The following DNER variants were observed in gnomAD, a reference collection of about 807,000 sequenced individuals.
DNER encodes the protein delta/notch like EGF repeat containing.
In DNER, 33 loss-of-function variants were observed where a neutral mutation model predicts 78.2. That is an observed-to-expected ratio of 0.42 (90% confidence interval 0.32 to 0.56). DNER has a LOEUF of 0.56. Ranked by LOEUF, DNER falls within the 20% of genes least tolerant of loss-of-function variation. The probability of loss-of-function intolerance (pLI) is 0.11; values close to 1 mark genes in which losing one functional copy is unlikely to be tolerated. For synonymous variants in DNER, 417 were observed against 384.8 expected, an observed-to-expected ratio of 1.08 and a Z score of -0.98; for missense variants, 918 against 975.3, an observed-to-expected ratio of 0.94 and a Z score of 0.78.
intron 7 of DNER, among the ~76,000 whole-genome samples, chr2:229,453,460 T>C (rs1408309937): frequency 6.6e-6 from 1 of 152,166 alleles, no homozygotes; most frequent in Non-Finnish European, 1.5e-5. Context: ...AACTAGACTG[T>C]TGACTGGGAG....
intron 1 of DNER, among the ~76,000 whole-genome samples, chr2:229,700,643 G>C (rs571877717): frequency 6.6e-6 from 1 of 152,004 alleles, no homozygotes; most frequent in Non-Finnish European, 1.5e-5. Context: ...GGCCAGGCAC[G>C]GTGGCTCATG....
intron 7 of DNER, among the ~76,000 whole-genome samples, chr2:229,452,147 T>C (rs1445127694): frequency 6.6e-6 from 1 of 152,210 alleles, no homozygotes; most frequent in African/African-American, 2.4e-5. Flanking sequence ...TTTATATCTC[T>C]AATTATAGGC....
chr2:229,454,749 T>C (rs1694535000), intron 7 of DNER, among the ~76,000 whole-genome samples: 1 of 152,112 alleles, frequency 6.6e-6, no homozygotes, highest in South Asian at 2.1e-4. Flanking sequence ...TTTTGCTTTT[T>C]CTTACCAATT....
chr2:229,672,284 G>A (rs1017008067), intron 1 of DNER, among the ~76,000 whole-genome samples: 14 of 152,054 alleles, frequency 9.2e-5, no homozygotes, highest in African/African-American at 3.1e-4. Context: ...CAAGACAGCC[G>A]GGCACTCAGC....
intron 1 of DNER, among the ~76,000 whole-genome samples, chr2:229,630,523 A>AT (rs71045782): frequency 6.1e-5 from 9 of 147,618 alleles, no homozygotes; most frequent in South Asian, 2.1e-4. Flanking sequence ...AATAATAATA[A>AT]AATCTTCTGG....
intron 5 of DNER, among the ~76,000 whole-genome samples, chr2:229,522,447 A>G (rs1332899069): frequency 6.6e-6 from 1 of 152,238 alleles, no homozygotes; most frequent in East Asian, 1.9e-4. Context: ...TCCATTAACA[A>G]AAGTAAAGTT....
intron 6 of DNER, among the ~76,000 whole-genome samples, chr2:229,510,550 G>A (rs1279669795): frequency 6.6e-6 from 1 of 152,226 alleles, no homozygotes; most frequent in African/African-American, 2.4e-5. Flanking sequence ...TGGTAAAATG[G>A]AGAGCATCAG....
Position 229,714,195 on chromosome 2 carries a change from C to G in DNER, c.229G>C (p.Gly77Arg). 1 of 1,373,700 alleles carries G rather than the reference C, an allele frequency of 7.3e-7. No individual in the cohort carries two copies. The highest frequency in any genetic ancestry group is 9.4e-7 in the Non-Finnish European group (1 of 1,067,852). 85.1% of individuals were successfully genotyped at this position (1,373,700 alleles called of 1,614,324 possible). ...PQHPAPAGEP[G>R]YSCTCPAGIS... is the part of the protein sequence containing the mutation. ...CCGGCGGGGCAGGTGCAGCTGTAGCCAGGCTCGCCGGCGGGGGCCGGGTGC... is the reference window on the plus strand; with the variant it reads ...CCGGCGGGGCAGGTGCAGCTGTAGCGAGGCTCGCCGGCGGGGGCCGGGTGC... The change falls in exon 1 of 13, where the codon GGC (glycine) becomes CGC (arginine). Residue 77 changes from glycine (G) to arginine (R), a missense_variant. Coordinates refer to ENST00000341772, the MANE Select transcript of DNER (RefSeq NM_139072.4).
chr2:229,695,445 C>T (rs550138182), intron 1 of DNER, among the ~76,000 whole-genome samples: 1 of 151,022 alleles, frequency 6.6e-6, no homozygotes, highest in Non-Finnish European at 1.5e-5. Context: ...ATGCCTCCCC[C>T]ACAGGATGGT....
intron 1 of DNER, among the ~76,000 whole-genome samples, chr2:229,628,224 G>A: frequency 6.6e-6 from 1 of 152,142 alleles, no homozygotes; most frequent in East Asian, 1.9e-4. Flanking sequence ...CAGAGGAGGG[G>A]AAATAGATCA....
At chr2:229,379,909 C>T (rs375278862) in intron 11 of DNER, among the ~76,000 whole-genome samples, 30 of 152,278 alleles carry the variant, frequency 2.0e-4, no homozygotes, top group African/African-American at 6.3e-4. Flanking sequence ...TCTCTCTCTT[C>T]AACAAGAAAG....
intron 6 of DNER, among the ~76,000 whole-genome samples, chr2:229,504,002 C>T (rs1402514806): frequency 6.6e-6 from 1 of 152,066 alleles, no homozygotes; most frequent in African/African-American, 2.4e-5. Context: ...CCTTGGCCTC[C>T]CAAAGTGCTG....
chr2:229,615,541 C>G (rs972897679), intron 1 of DNER, among the ~76,000 whole-genome samples: 48 of 152,038 alleles, frequency 3.2e-4, no homozygotes, highest in South Asian at 2.7e-3. Flanking sequence ...AACCCTATCT[C>G]TACTAAAAAT....
intron 1 of DNER, among the ~76,000 whole-genome samples, chr2:229,634,836 A>G (rs1698501089): frequency 1.3e-5 from 2 of 152,260 alleles, no homozygotes; most frequent in South Asian, 2.1e-4. Context: ...GCACCCGGCC[A>G]CTTGTCCCCT....
chr2:229,453,422 C>G (rs1694501541), intron 7 of DNER, among the ~76,000 whole-genome samples: 1 of 152,114 alleles, frequency 6.6e-6, no homozygotes, highest in South Asian at 2.1e-4. Flanking sequence ...ATTAAATATG[C>G]AGAACTTGTG....
chr2:229,631,658 A>AC (rs1698435347), intron 1 of DNER, among the ~76,000 whole-genome samples: 1 of 152,192 alleles, frequency 6.6e-6, no homozygotes, highest in Non-Finnish European at 1.5e-5. Context: ...AAAAGTGACA[A>AC]CCCCAGACCA....
In DNER at chr2:229,677,892, T is replaced by C. The variant is rs556672496; in HGVS notation, c.276+36256A>G. ...AACCTGAACTCTGACTTTCATATTA[T>C]ATAGGCTGGAGGACTTACTCTCATG... On this transcript the variant is annotated intron_variant, in intron 1 of 12. Coordinates refer to ENST00000341772, the MANE Select transcript of DNER (RefSeq NM_139072.4). Among the ~76,000 whole-genome samples the C allele has an allele frequency of 4.6e-5, 7 of 152,316 alleles. No individual in the cohort carries two copies. In the South Asian group the frequency reaches 1.5e-3, roughly 32 times the overall value.
intron 1 of DNER, among the ~76,000 whole-genome samples, chr2:229,700,314 G>GTGTA (rs1699725010): frequency 1.3e-5 from 2 of 150,300 alleles, no homozygotes. Flanking sequence ...GTGTGTGTGT[G>GTGTA]TGTGTATAGG....
At chr2:229,668,667 G>T (rs1213856373) in intron 1 of DNER, among the ~76,000 whole-genome samples, 3 of 149,452 alleles carry the variant, frequency 2.0e-5, no homozygotes, top group Non-Finnish European at 3.0e-5. Flanking sequence ...AAACCACAAT[G>T]AGATACCATC....
Sources: allele counts gnomAD v4.1 joint callset (sites outside exome capture counted in the v4.1 genomes callset), GRCh38; gene constraint gnomAD v4.1.1; transcripts MANE v1.5; gene names NCBI Gene and HGNC (gene_info 2026-07-23, HGNC 2026-07-21).